Variants in L3MBTL4 observed in about 807,000 individuals in gnomAD.
L3MBTL4 encodes the protein L3MBTL histone methyl-lysine binding protein 4, also known as lethal(3)malignant brain tumor-like protein 4.
A neutral mutation model predicts 84.5 loss-of-function variants in L3MBTL4; 70 were observed. That is an observed-to-expected ratio of 0.83 (90% confidence interval 0.68 to 1.01). The LOEUF (loss-of-function observed/expected upper bound fraction) is 1.01. L3MBTL4 is among the 50% of genes least tolerant of loss of function. L3MBTL4 has a pLI of 0.00. For synonymous variants in L3MBTL4, 274 were observed against 259.8 expected (o/e 1.05, Z -0.52); for missense variants, 715 against 754.8 (o/e 0.95, Z 0.62).
chr18:6,151,159 T>C (rs2042878276), intron 13 of L3MBTL4, among the ~76,000 whole-genome samples: 1 of 152,198 alleles, frequency 6.6e-6, no homozygotes, highest in African/African-American at 2.4e-5. Context: ...AGTGGCAAGC[T>C]TGTGAATCAT....
intron 16 of L3MBTL4, among the ~76,000 whole-genome samples, chr18:5,973,977 A>G (rs1339774020): frequency 6.6e-6 from 1 of 152,230 alleles, no homozygotes; most frequent in Non-Finnish European, 1.5e-5. Flanking sequence ...GCACCAGAAA[A>G]TGAAATGTAT....
chr18:6,393,893 T>C (rs1235709466), intron 1 of L3MBTL4, among the ~76,000 whole-genome samples: 1 of 152,150 alleles, frequency 6.6e-6, no homozygotes, highest in Non-Finnish European at 1.5e-5. Flanking sequence ...GGAGCCCTCA[T>C]GTGGCTACAG....
intron 13 of L3MBTL4, among the ~76,000 whole-genome samples, chr18:6,146,887 C>T (rs1568199781): frequency 6.6e-6 from 1 of 151,828 alleles, no homozygotes. Context: ...GTCAGTAGTC[C>T]CAGTCCTGGC....
chr18:6,295,409 T>C (rs2050067635), intron 4 of L3MBTL4, among the ~76,000 whole-genome samples: 1 of 150,228 alleles, frequency 6.7e-6, no homozygotes, highest in African/African-American at 2.5e-5. Flanking sequence ...CCTATCTTTG[T>C]GCTTTATACA....
intron 16 of L3MBTL4, among the ~76,000 whole-genome samples, chr18:6,004,207 T>C (rs1057064507): frequency 1.3e-5 from 2 of 152,124 alleles, no homozygotes; most frequent in African/African-American, 4.8e-5. Flanking sequence ...TCATACTGAT[T>C]CTATAGAAAT....
chr18:6,406,803 A>G (rs1325738114), intron 1 of L3MBTL4, among the ~76,000 whole-genome samples: 2 of 152,178 alleles, frequency 1.3e-5, no homozygotes, highest in African/African-American at 4.8e-5. Flanking sequence ...AAAATGCTGA[A>G]TCCAAATGTG....
intron 1 of L3MBTL4, among the ~76,000 whole-genome samples, chr18:6,322,391 G>T (rs1190264134): frequency 6.8e-6 from 1 of 146,614 alleles, no homozygotes; most frequent in East Asian, 2.0e-4. Flanking sequence ...GAAAGAAAAT[G>T]AAAGGAAAGG....
intron 1 of L3MBTL4, among the ~76,000 whole-genome samples, chr18:6,365,276 G>A (rs1052548197): frequency 4.4e-4 from 67 of 152,170 alleles, no homozygotes; most frequent in African/African-American, 1.5e-3. Flanking sequence ...AAAAAAGAGA[G>A]GAAGAGAAAC....
chr18:5,967,886 G>T (rs1483186496), intron 17 of L3MBTL4, among the ~76,000 whole-genome samples: 1 of 152,236 alleles, frequency 6.6e-6, no homozygotes, highest in Non-Finnish European at 1.5e-5. Context: ...TGTGAAGGGC[G>T]CCAGGGGGAG....
At chr18:6,049,029 T>TA (rs2056744370) in intron 16 of L3MBTL4, among the ~76,000 whole-genome samples, 1 of 152,008 alleles carries the variant, frequency 6.6e-6, no homozygotes, top group African/African-American at 2.4e-5. Flanking sequence ...TTCACACATG[T>TA]AATTCCAGCA....
intron 12 of L3MBTL4, among the ~76,000 whole-genome samples, chr18:6,211,809 C>A (rs2046117939): frequency 6.6e-6 from 1 of 152,080 alleles, no homozygotes; most frequent in Non-Finnish European, 1.5e-5. Flanking sequence ...ACACCACACC[C>A]AGCTAATTTT....
intron 16 of L3MBTL4, among the ~76,000 whole-genome samples, chr18:5,977,173 A>G (rs1222520681): frequency 6.6e-6 from 1 of 152,106 alleles, no homozygotes; most frequent in Non-Finnish European, 1.5e-5. Context: ...CCTGCTCCAC[A>G]CAGTGGCATC....
intron 16 of L3MBTL4, among the ~76,000 whole-genome samples, chr18:6,015,661 CA>C (rs1229360600): frequency 2.0e-5 from 3 of 152,068 alleles, no homozygotes; most frequent in Non-Finnish European, 2.9e-5. Context: ...AAAGCACTTA[CA>C]AAAAAATTAA....
chr18:5,962,344 C>T (rs2095267718), intron 17 of L3MBTL4, among the ~76,000 whole-genome samples: 1 of 152,078 alleles, frequency 6.6e-6, no homozygotes, highest in Non-Finnish European at 1.5e-5. Flanking sequence ...AAATTCTAGG[C>T]ATAGAGAATC....
In L3MBTL4 at chr18:6,189,820, A is replaced by G. The variant is rs77845632; in HGVS notation, c.982-17878T>C. ...TGGCATAAAAGACAGATCAATAGAA[A>G]TTATCTGAAGCACAAAAAGAAAAAA... is the stretch of plus-strand genomic sequence containing the variant. On this transcript the variant is annotated intron_variant, in intron 12 of 18. Coordinates refer to ENST00000317931, the MANE Select transcript of L3MBTL4 (RefSeq NM_001330559.2). Among the ~76,000 whole-genome samples, 1,272 of 152,294 alleles carry G rather than the reference A, an allele frequency of 8.4e-3. 20 individuals carry two copies. Among genetic ancestry groups the G allele is most frequent in the African/African-American group, 0.029 (1,187 of 41,570 alleles).
chr18:6,158,863 G>A (rs947470257), intron 13 of L3MBTL4, among the ~76,000 whole-genome samples: 1 of 152,202 alleles, frequency 6.6e-6, no homozygotes, highest in African/African-American at 2.4e-5. Context: ...GCTGGTAGGT[G>A]AGCAGAAATC....
chr18:6,073,176 TGAGA>T (rs906298196), intron 16 of L3MBTL4, among the ~76,000 whole-genome samples: 8 of 142,392 alleles, frequency 5.6e-5, no homozygotes, highest in African/African-American at 2.1e-4. Context: ...AGAGAGAGAG[TGAGA>T]GAGACAGAGG....
intron 16 of L3MBTL4, among the ~76,000 whole-genome samples, chr18:5,982,041 A>C (rs1216681153): frequency 6.6e-6 from 1 of 151,240 alleles, no homozygotes; most frequent in Non-Finnish European, 1.5e-5. Flanking sequence ...CGAAAGCAAA[A>C]CACTTGAAAT....
intron 16 of L3MBTL4, among the ~76,000 whole-genome samples, chr18:6,056,944 G>A (rs541541204): frequency 1.3e-5 from 2 of 152,082 alleles, no homozygotes; most frequent in East Asian, 3.9e-4. Flanking sequence ...TGAACATATT[G>A]TTATTATCAG....
Sources: gnomAD v4.1 joint callset for allele counts (sites outside exome capture counted in the v4.1 genomes callset) on GRCh38, gnomAD v4.1.1 for gene constraint, MANE v1.5 for transcripts, NCBI Gene and HGNC (gene_info 2026-07-23, HGNC 2026-07-21) for gene names.